Variants in PLEKHG4B observed in about 807,000 individuals in gnomAD.
PLEKHG4B encodes pleckstrin homology domain-containing family G member 4B.
PLEKHG4B carries 111 observed loss-of-function variants against 121.3 expected under a neutral mutation model. The observed-to-expected ratio is 0.92, with a 90% CI of 0.78 to 1.07. PLEKHG4B has a LOEUF of 1.07. PLEKHG4B is among the 50% of genes least tolerant of loss of function. PLEKHG4B has a pLI of 0.00. For missense variants in PLEKHG4B, 1,831 were observed against 1,757.8 expected (o/e 1.04, Z -0.74); for synonymous variants, 738 against 725.0 (o/e 1.02, Z -0.29).
intron 18 of PLEKHG4B, among the ~76,000 whole-genome samples, chr5:181,241 C>T (rs1736923446): frequency 6.6e-6 from 1 of 152,194 alleles, no homozygotes; most frequent in Non-Finnish European, 1.5e-5. Flanking sequence ...GGAACCCTTC[C>T]TCACCCCCAG....
chr5:177,223 C>T (rs1027813226), intron 18 of PLEKHG4B, among the ~76,000 whole-genome samples: 2 of 152,024 alleles, frequency 1.3e-5, no homozygotes, highest in Admixed American at 1.3e-4. Context: ...TTGATTTGAG[C>T]CTTTGTTTTG....
In PLEKHG4B at chr5:173,923, C is replaced by G. The variant is rs147094977; in HGVS notation, c.4227C>G (p.Ala1409=). The part of the protein sequence containing the change: ...VYLYKQSFKT[A]EIGMTENVGD... ...TGGGTGTTTGCTGACTGCAGACGGC[C>G]GAGATCGGGATGACAGAGAACGTCG... is the stretch of plus-strand genomic sequence containing the variant. The change falls in exon 18 of 20, where the codon GCC becomes GCG. Residue 1409 remains alanine, a synonymous_variant. Coordinates refer to ENST00000637938, the MANE Select transcript of PLEKHG4B (RefSeq NM_052909.5). The G allele has an allele frequency of 1.1e-4, 181 of 1,613,078 alleles. No homozygotes were observed. The highest frequency in any genetic ancestry group is 1.5e-4 in the Non-Finnish European group (174 of 1,179,772).
chr5:109,418 A>AT (rs1280984566), intron 1 of PLEKHG4B, among the ~76,000 whole-genome samples: 5,425 of 149,914 alleles, frequency 0.036, 157 homozygotes, highest in Non-Finnish European at 0.052. Context: ...AAAAAAAAAA[A>AT]AAATCCAGCC....
At chr5:149,632 G>T (rs114970380) in intron 6 of PLEKHG4B, among the ~76,000 whole-genome samples, 2,706 of 152,234 alleles carry the variant, frequency 0.018, 85 homozygotes, top group African/African-American at 0.062. Context: ...TCTGATAGGA[G>T]GTTAATATCC....
chr5:128,170 G>A (rs376095739), intron 2 of PLEKHG4B, among the ~76,000 whole-genome samples: 4 of 152,104 alleles, frequency 2.6e-5, no homozygotes, highest in Admixed American at 2.0e-4. Context: ...GGGAGGGCCC[G>A]GAAGAAAAAG....
intron 17 of PLEKHG4B, 78 bp downstream of exon 17, chr5:173,145 G>A (rs1736627399): frequency 2.9e-6 from 4 of 1,384,960 alleles, no homozygotes; most frequent in African/African-American, 1.4e-5. Context: ...TCTCACCTAA[G>A]GCCAGCAGAG....
At chr5:145,118 A>G (rs1295586786) in intron 6 of PLEKHG4B, among the ~76,000 whole-genome samples, 198 bp downstream of exon 6, 1 of 152,186 alleles carries the variant, frequency 6.6e-6, no homozygotes, top group East Asian at 1.9e-4. Context: ...GGGGCCAGGC[A>G]CAGACACTGG....
chr5:129,566 A>G (rs1734716060), intron 2 of PLEKHG4B, among the ~76,000 whole-genome samples: 1 of 152,218 alleles, frequency 6.6e-6, no homozygotes, highest in Non-Finnish European at 1.5e-5. Context: ...CATTCTCAGG[A>G]TCTCTTGAGG....
At position 164,709 on chromosome 5, in the gene PLEKHG4B, C is replaced by CGGGCGGAGCTCACACTAATGCTCTGACAG. The variant is rs1736212434; in HGVS notation, c.3476+1164_3476+1165insCGGAGCTCACACTAATGCTCTGACAGGGG. On this transcript the variant is annotated intron_variant, in intron 13 of 19. Coordinates refer to ENST00000637938, the MANE Select transcript of PLEKHG4B (RefSeq NM_052909.5). The stretch of plus-strand genomic sequence containing the variant: ...GGCGGAGCTCACACTAATGCTCTGA[C>CGGGCGGAGCTCACACTAATGCTCTGACAG]GGGGCGGAGCTCACACTAATACTCT... Among the ~76,000 whole-genome samples, 2 of 65,282 alleles carry CGGGCGGAGCTCACACTAATGCTCTGACAG rather than the reference C, an allele frequency of 3.1e-5. 1 individual carries two copies. Among genetic ancestry groups the CGGGCGGAGCTCACACTAATGCTCTGACAG allele is most frequent in the Admixed American group, 2.8e-4 (2 of 7,256 alleles). The allele number at this position is 65,282 out of a possible 152,430, so 42.8% of individuals were successfully genotyped here. A position where few individuals can be genotyped will look rare whatever the true frequency, so the allele number is the denominator to read the frequency against.
Position 169,563 on chromosome 5 carries a change from T to G in PLEKHG4B, c.3700T>G (p.Leu1234Val), listed in dbSNP as rs373487415. The G allele has an allele frequency of 3.7e-6, 6 of 1,613,694 alleles. No individual in the cohort carries two copies. In the African/African-American group the frequency reaches 5.3e-5, roughly 14 times the overall value. ...RELERCQHCPLAVGRSFLRHE... is the reference protein window; with the variant it reads ...RELERCQHCPVAVGRSFLRHE... ...GCTGGAGCGCTGCCAGCACTGCCCCTTGGCCGTGGGCCGCAGTTTCCTGAG... is the reference window on the plus strand; with the variant it reads ...GCTGGAGCGCTGCCAGCACTGCCCCGTGGCCGTGGGCCGCAGTTTCCTGAG... Residue 1234 changes from leucine (L) to valine (V), a missense_variant, in exon 14 of 20, where the codon TTG (leucine) becomes GTG (valine). Transcript: ENST00000637938.
chr5:135,644 C>T (rs1215889196), intron 2 of PLEKHG4B, among the ~76,000 whole-genome samples: 14 of 104,720 alleles, frequency 1.3e-4, no homozygotes, highest in East Asian at 3.0e-4. Context: ...CCAGCCTGGG[C>T]GACAAAGCAA....
intron 1 of PLEKHG4B, among the ~76,000 whole-genome samples, chr5:98,983 C>T (rs1348238723): frequency 1.4e-5 from 2 of 142,868 alleles, no homozygotes; most frequent in Non-Finnish European, 3.1e-5. Context: ...AGTGAAACCC[C>T]GTCTCTACTA....
rs1011889905 is a variant in PLEKHG4B, at chr5:183,819, G to T, written c.*1496G>T. The T allele has an allele frequency of 1.3e-5, 2 of 152,160 alleles. No homozygotes were observed. The highest frequency in any genetic ancestry group is 4.8e-5 in the African/African-American group (2 of 41,416). 9.4% of individuals were successfully genotyped at this position (152,160 alleles called of 1,614,324 possible). On this transcript the variant is annotated 3_prime_UTR_variant, in exon 20 of 20. Transcript: ENST00000637938. ...TACAGGGATGAGAAACTACAATATT[G>T]ACAGTGGAAACTATCCTGGATGGGG...
chr5:181,615 C>A lies in PLEKHG4B; in HGVS notation c.4504C>A (p.Arg1502=), dbSNP rs12519352. 5.0e-6 allele frequency: 8 copies of A among 1,613,942 alleles called. No homozygotes were observed. Among genetic ancestry groups the A allele is most frequent in the South Asian group, 1.1e-5 (1 of 91,080 alleles). ...RTPDCAVISD[R]APKCAVMSDR... is the part of the protein sequence containing the mutation. ...CCCTGACTGTGCAGTGATAAGCGAC[C>A]GGGCTCCCAAATGTGCAGTGATGAG... The change falls in exon 19 of 20, where the codon CGG becomes AGG. Residue 1502 remains arginine, a synonymous_variant. Coordinates refer to ENST00000637938, the MANE Select transcript of PLEKHG4B (RefSeq NM_052909.5).
chr5:130,534 T>C (rs1411410013), intron 2 of PLEKHG4B, among the ~76,000 whole-genome samples: 1 of 152,206 alleles, frequency 6.6e-6, no homozygotes, highest in Non-Finnish European at 1.5e-5. Context: ...TGGCGTGATA[T>C]GCCTTTGTTA....
intron 9 of PLEKHG4B, 108 bp downstream of exon 9, chr5:155,551 AG>A (rs1735747682): frequency 1.2e-6 from 1 of 819,226 alleles, no homozygotes; most frequent in Non-Finnish European, 2.1e-6. Flanking sequence ...CATCTGTAGC[AG>A]AGACCTTCAA....
At position 139,725 on chromosome 5, in the gene PLEKHG4B, G is replaced by C. The variant is rs371493684; in HGVS notation, c.486G>C (p.Ala162=). 62 of 398,798 alleles carry C rather than the reference G, an allele frequency of 1.6e-4. No homozygotes were observed. Among genetic ancestry groups the C allele is most frequent in the Non-Finnish European group, 2.2e-5 (5 of 226,186 alleles). The allele number at this position is 398,798 out of a possible 1,614,324, so 24.7% of individuals were successfully genotyped here. The change falls in exon 3 of 20, where the codon GCG becomes GCC. Residue 162 remains alanine, a synonymous_variant. Transcript: ENST00000637938. This position sits in a 1 kb window ranked among gnomAD's most constrained non-coding sequence, Gnocchi z 5.0. ...TGTATGGCTGTGTCTTCACGGGGGC[G>C]TTCCTGGAGTGGGTGAACCGGGAGC... ...EAMYGCVFTG[A]FLEWVNRERR...
Position 100,397 on chromosome 5 carries a change from GCC to G in PLEKHG4B, c.45+8122_45+8123del, listed in dbSNP as rs1467605182. Among the ~76,000 whole-genome samples the G allele has an allele frequency of 1.3e-3, 202 of 151,168 alleles. 41 individuals are homozygous for G. Among genetic ancestry groups the G allele is most frequent in the African/African-American group, 2.0e-3 (82 of 40,932 alleles). ...TAATCCATATAAAGCCCTGGAAAAAGCCTGTAGGGGAGAGACTGTTGTGAGGT... is the reference window on the plus strand; with the variant it reads ...TAATCCATATAAAGCCCTGGAAAAAGTGTAGGGGAGAGACTGTTGTGAGGT... On this transcript the variant is annotated intron_variant, in intron 1 of 19. Coordinates refer to ENST00000637938, the MANE Select transcript of PLEKHG4B (RefSeq NM_052909.5).
At position 137,096 on chromosome 5, in the gene PLEKHG4B, T is replaced by G. The variant is rs1735006440; in HGVS notation, c.244-2387T>G. Among the ~76,000 whole-genome samples the G allele has an allele frequency of 6.6e-6, 1 of 152,212 alleles. No homozygotes were observed. Among genetic ancestry groups the G allele is most frequent in the Admixed American group, 6.5e-5 (1 of 15,280 alleles). On this transcript the variant is annotated intron_variant, in intron 2 of 19. Transcript: ENST00000637938. This position sits in a 1 kb window ranked among gnomAD's most constrained non-coding sequence, Gnocchi z 4.2. ...TATGCAACCCTCAGAAGGAGTGCAG[T>G]TCCAACACGTGCCACATGTGGCATG...
Sources: allele counts gnomAD v4.1 joint callset (sites outside exome capture counted in the v4.1 genomes callset), GRCh38; gene constraint gnomAD v4.1.1; non-coding constraint Gnocchi (gnomAD v3.1); transcripts MANE v1.5; gene names NCBI Gene and HGNC (gene_info 2026-07-23, HGNC 2026-07-21).